ABCA7: variants seen among roughly 807,000 people sequenced by gnomAD.
ABCA7 encodes phospholipid-transporting ATPase ABCA7.
Under a neutral mutation model 227.6 loss-of-function variants are expected in ABCA7, and 261 were observed. The ratio of observed to expected loss-of-function variants is 1.15; its 90% CI spans 1.04 to 1.27. The LOEUF (loss-of-function observed/expected upper bound fraction) is 1.27. ABCA7 is among the 50% of genes most tolerant of loss of function. The probability of loss-of-function intolerance (pLI) is 0.00; values close to 1 mark genes in which losing one functional copy is unlikely to be tolerated. For synonymous variants in ABCA7, 1,488 were observed against 1,279.7 expected, an observed-to-expected ratio of 1.16 and a Z score of -3.47; for missense variants, 3,331 against 2,924.5, an observed-to-expected ratio of 1.14 and a Z score of -3.21.
In ABCA7 at chr19:1,044,733, C is replaced by T. The variant is rs771935858; in HGVS notation, c.1204C>T (p.Arg402Ter). The T allele has an allele frequency of 1.9e-6, 3 of 1,607,460 alleles. No homozygotes were observed. The highest frequency in any genetic ancestry group is 2.5e-6 in the Non-Finnish European group (3 of 1,178,152). ...DVGHLVGTLGRVTECLSLDKL... is the reference protein window; with the variant it reads ...DVGHLVGTLG Reference sequence around the variant, plus strand: ...GGGGCACCTGGTGGGCACGCTGGGCCGAGTGACGGAGGTGAGGGCCTGTCC... The same window carrying T: ...GGGGCACCTGGTGGGCACGCTGGGCTGAGTGACGGAGGTGAGGGCCTGTCC... The change falls in exon 11 of 47, where the codon CGA (arginine) becomes TGA (stop). Residue 402 changes from arginine (R) to a stop codon, truncating the protein, a stop_gained. Transcript: ENST00000263094. LOFTEE classifies it high-confidence loss of function.
In ABCA7 at chr19:1,052,092, T is replaced by G. The variant is rs756410227; in HGVS notation, c.3113T>G (p.Val1038Gly). Residue 1038 changes from valine (V) to glycine (G), a missense_variant, in exon 22 of 47, where the codon GTG becomes GGG. Coordinates refer to ENST00000263094, the MANE Select transcript of ABCA7 (RefSeq NM_019112.4). Reference protein sequence around the residue: ...HLGSGYYLTLVKARLPLTTNE... With the variant: ...HLGSGYYLTLGKARLPLTTNE... Reference sequence around the variant, plus strand: ...GGCTCCGGCTACTACCTGACGCTGGTGAAGGCCCGCCTGCCCCTGACCACC... The same window carrying G: ...GGCTCCGGCTACTACCTGACGCTGGGGAAGGCCCGCCTGCCCCTGACCACC... The G allele has an allele frequency of 6.2e-7, 1 of 1,611,962 alleles. No individual in the cohort carries two copies. The highest frequency in any genetic ancestry group is 1.3e-5 in the African/African-American group (1 of 74,800).
Position 1,058,643 on chromosome 19 carries a change from G to A in ABCA7, c.5175G>A (p.Leu1725=), listed in dbSNP as rs1018993685. ...RLGDRQFQSP[L]RWEVVGKNLL... is the part of the protein sequence containing the mutation. ...GAGACAGGCAGTTCCAGTCACCCCT[G>A]CGCTGGGAGGTGGTCGGCAAGAACC... The change falls in exon 38 of 47, where the codon CTG becomes CTA. Residue 1725 remains leucine, a synonymous_variant. Coordinates refer to ENST00000263094, the MANE Select transcript of ABCA7 (RefSeq NM_019112.4). 5.0e-6 allele frequency: 8 copies of A among 1,613,942 alleles called. No individual in the cohort carries two copies. Among genetic ancestry groups the A allele is most frequent in the African/African-American group, 1.3e-5 (1 of 75,042 alleles).
chr19:1,058,366 A>C, intron 37 of ABCA7, 97 bp downstream of exon 37: 1 of 1,521,786 alleles, frequency 6.6e-7, no homozygotes, highest in Admixed American at 2.2e-5. Context: ...ACAGCCCCCC[A>C]GGGAGACAGC....
At chr19:1,041,680 G>A (rs2040052003) in intron 3 of ABCA7, 77 bp downstream of exon 3, 4 of 1,574,344 alleles carry the variant, frequency 2.5e-6, no homozygotes, top group East Asian at 2.2e-5. Flanking sequence ...GGAATCCCCC[G>A]TGCATGTCAG....
chr19:1,051,381 CACG>C (rs2041618245), intron 20 of ABCA7, 65 bp from the exon 21 acceptor site: 2 of 714,086 alleles, frequency 2.8e-6, no homozygotes, highest in Non-Finnish European at 4.1e-6. Context: ...TACTGAGGTC[CACG>C]TGGGTAGGCA....
At position 1,049,285 on chromosome 19, in the gene ABCA7, G is replaced by T; in HGVS notation, c.2400G>T (p.Pro800=). Residue 800 remains proline, a synonymous_variant, in exon 18 of 47, where the codon CCG becomes CCT. Transcript: ENST00000263094. The part of the protein sequence containing the change: ...LDPKVLVEEA[P]PGLSPGVSVR... ...CTGCAGTGCTGGTAGAAGAGGCACC[G>T]CCCGGCCTGAGTCCTGGCGTCTCCG... 1.9e-6 allele frequency: 3 copies of T among 1,608,400 alleles called. No individual in the cohort carries two copies.
chr19:1,041,162 C>T (rs1013450324), intron 1 of ABCA7, 63 bp from the exon 2 acceptor site: 5 of 626,220 alleles, frequency 8.0e-6, no homozygotes, highest in East Asian at 2.7e-5. Context: ...CATTGGTTTA[C>T]TCCACCCCTG....
chr19:1,041,951 TGA>T lies in ABCA7; in HGVS notation c.283_284del (p.Ser95GlnfsTer93). The T allele has an allele frequency of 6.3e-7, 1 of 1,588,258 alleles. No homozygotes were observed. The highest frequency in any genetic ancestry group is 8.5e-7 in the Non-Finnish European group (1 of 1,172,930). ...ACACCGGGCGAGGAGCCCGGGCGCCTGAGCAACTTCAACGACTCCCTGTGAGC... is the reference window on the plus strand; with the variant it reads ...ACACCGGGCGAGGAGCCCGGGCGCCTGCAACTTCAACGACTCCCTGTGAGC... On this transcript the variant is annotated frameshift_variant, in exon 4 of 47. Transcript: ENST00000263094. LOFTEE classifies it high-confidence loss of function.
rs370572253 is a variant in ABCA7 at position 1,044,542 on chromosome 19, C to A, written c.1048-35C>A. ...GATTACAGGCATGAGCCACTGTGCC[C>A]GACCCAGACTCTCACTTTCACCTGC... On this transcript the variant is annotated intron_variant, in intron 10 of 46. Transcript: ENST00000263094. 1.9e-4 allele frequency: 299 copies of A among 1,594,234 alleles called. 1 individual carries two copies. The highest frequency in any genetic ancestry group is 2.3e-4 in the Non-Finnish European group (273 of 1,169,172).
Position 1,046,890 on chromosome 19 carries a change from C to T in ABCA7, c.1711C>T (p.Arg571Trp), listed in dbSNP as rs1451665953. 4 of 1,550,208 alleles carry T rather than the reference C, an allele frequency of 2.6e-6. No homozygotes were observed. The highest frequency in any genetic ancestry group is 2.6e-6 in the Non-Finnish European group (3 of 1,152,648). The change falls in exon 14 of 47, where the codon CGG (arginine) becomes TGG (tryptophan). Residue 571 changes from arginine (R) to tryptophan (W), a missense_variant. By Grantham distance (101) the Arg-to-Trp change is moderately radical (BLOSUM62 -3). Transcript: ENST00000263094. The stretch of plus-strand genomic sequence containing the variant: ...GACACTGACAGTGAAGGCCGTGGTG[C>T]GGGAGAAGGAGACGCGGCTGCGGGA... ...SVTLTVKAVV[R>W]EKETRLRDTM...
In ABCA7 at chr19:1,047,619, G is replaced by A; in HGVS notation, c.2234G>A (p.Gly745Asp). ...GLLLLDAALYGLATWYLEAVC... is the reference protein window; with the variant it reads ...GLLLLDAALYDLATWYLEAVC... ...CTGCTGCTGGACGCGGCGCTCTACG[G>A]CCTCGCCACCTGGTACCTGGAAGCT... Residue 745 changes from glycine to aspartate, a missense_variant, in exon 16 of 47, where the codon GGC (glycine) becomes GAC (aspartate). Transcript: ENST00000263094. The A allele has an allele frequency of 1.2e-6, 2 of 1,600,616 alleles. No individual in the cohort carries two copies. The highest frequency in any genetic ancestry group is 1.1e-5 in the South Asian group (1 of 90,698).
In ABCA7 at chr19:1,054,079, A is replaced by G. The variant is rs2042024233; in HGVS notation, c.3546A>G (p.Pro1182=). 1.2e-6 allele frequency: 2 copies of G among 1,613,288 alleles called. No homozygotes were observed. The highest frequency in any genetic ancestry group is 1.7e-6 in the Non-Finnish European group (2 of 1,179,958). ...LDVTLRLKMP[P]QETALENGEP... is the part of the protein sequence containing the mutation. The stretch of plus-strand genomic sequence containing the variant: ...TAACCCTACGGCTCAAGATGCCGCC[A>G]CAGGAGACAGCGCTGGAGAACGGGG... Residue 1182 remains proline, a synonymous_variant, in exon 26 of 47, where the codon CCA becomes CCG. Transcript: ENST00000263094. The surrounding 1 kb of genome is among the most constrained non-coding windows in gnomAD (Gnocchi z 4.8).
In ABCA7 at chr19:1,058,887, G is replaced by T. The variant is rs2042462626; in HGVS notation, c.5347G>T (p.Val1783Leu). ...GGATGTAGCCCGTGAACGGGAGCGG[G>T]TGGTCCAAGGAGCCACCCAGGGGGA... The part of the protein sequence containing the change: ...DEDVARERER[V>L]VQGATQGDVL... Residue 1783 changes from valine to leucine, a missense_variant, in exon 39 of 47, where the codon GTG (valine) becomes TTG (leucine). Val to Leu is a conservative substitution (Grantham distance 32, BLOSUM62 1). Coordinates refer to ENST00000263094, the MANE Select transcript of ABCA7 (RefSeq NM_019112.4). 1 of 1,583,684 alleles carries T rather than the reference G, an allele frequency of 6.3e-7. No homozygotes were observed. The highest frequency in any genetic ancestry group is 8.6e-7 in the Non-Finnish European group (1 of 1,160,972).
chr19:1,044,543 G>A (rs777642078), intron 10 of ABCA7, 34 bp from the exon 11 acceptor site: 3 of 1,595,626 alleles, frequency 1.9e-6, no homozygotes. Context: ...CACTGTGCCC[G>A]ACCCAGACTC....
chr19:1,056,991 C>A lies in ABCA7; in HGVS notation c.4671C>A (p.Leu1557=). ...SFVPASFTLV[L]IEERVTRAKH... ...TCCCGGCCAGCTTCACTCTTGTCCT[C>A]ATTGAGGAGCGAGTCACCCGAGCCA... Residue 1557 remains leucine (L), a synonymous_variant, in exon 34 of 47, where the codon CTC becomes CTA. Coordinates refer to ENST00000263094, the MANE Select transcript of ABCA7 (RefSeq NM_019112.4). This position sits in a 1 kb window ranked among gnomAD's most constrained non-coding sequence, Gnocchi z 4.3. 3.7e-6 allele frequency: 6 copies of A among 1,613,988 alleles called. No homozygotes were observed. Among genetic ancestry groups the A allele is most frequent in the Non-Finnish European group, 5.1e-6 (6 of 1,180,014 alleles).
rs187637927 is a variant in ABCA7 at position 1,057,969 on chromosome 19, C to A, written c.4935C>A (p.Ser1645Arg). 6.2e-7 allele frequency: 1 copy of A among 1,614,054 alleles called. No homozygotes were observed. Among genetic ancestry groups the A allele is most frequent in the African/African-American group, 1.3e-5 (1 of 75,032 alleles). Residue 1645 changes from serine to arginine, a missense_variant, in exon 36 of 47, where the codon AGC becomes AGA. Coordinates refer to ENST00000263094, the MANE Select transcript of ABCA7 (RefSeq NM_019112.4). ...YPASFFFSVPSTAYVVLTCIN... is the reference protein window; with the variant it reads ...YPASFFFSVPRTAYVVLTCIN... ...CCTCCTTCTTCTTCTCCGTGCCCAG[C>A]ACAGCCTATGTGGTGCTCACCTGCA... is the stretch of plus-strand genomic sequence containing the variant.
chr19:1,061,793 G>T lies in ABCA7; in HGVS notation c.5475G>T (p.Leu1825=), dbSNP rs1206154713. ...GGGCATCCCTGTAGTGTTTTGGGCT[G>T]CTGGGTGTGAATGGAGCAGGGAAGA... is the stretch of plus-strand genomic sequence containing the variant. ...LGIPPGECFG[L]LGVNGAGKTS... Residue 1825 remains leucine (L), a synonymous_variant, in exon 41 of 47, where the codon CTG becomes CTT. Transcript: ENST00000263094. The T allele has an allele frequency of 6.2e-7, 1 of 1,613,056 alleles. No homozygotes were observed. The highest frequency in any genetic ancestry group is 1.3e-5 in the African/African-American group (1 of 74,830).
In ABCA7 at chr19:1,052,207, C is replaced by T. The variant is rs555806599; in HGVS notation, c.3148-7C>T. 1 of 1,591,362 alleles carries T rather than the reference C, an allele frequency of 6.3e-7. No individual in the cohort carries two copies. The highest frequency in any genetic ancestry group is 8.5e-7 in the Non-Finnish European group (1 of 1,170,026). On this transcript the variant is annotated splice_region_variant and splice_polypyrimidine_tract_variant and intron_variant, in intron 22 of 46. Coordinates refer to ENST00000263094, the MANE Select transcript of ABCA7 (RefSeq NM_019112.4). ...GGCCAAGCCACTTGGTGCCTCTCTG[C>T]CCGCAGGCTGACACTGACATGGAGG...
intron 40 of ABCA7, among the ~76,000 whole-genome samples, chr19:1,060,966 G>A (rs924359578): frequency 2.6e-5 from 4 of 152,124 alleles, no homozygotes; most frequent in Non-Finnish European, 5.9e-5. Context: ...TGCTGCACAC[G>A]ACCTTTATAG....
Sources: allele counts gnomAD v4.1 joint callset (sites outside exome capture counted in the v4.1 genomes callset), GRCh38; gene constraint gnomAD v4.1.1; non-coding constraint Gnocchi (gnomAD v3.1); transcripts MANE v1.5; gene names NCBI Gene and HGNC (gene_info 2026-07-23, HGNC 2026-07-21).